VPS13C: variants seen among roughly 807,000 people sequenced by gnomAD.
VPS13C encodes intermembrane lipid transfer protein VPS13C.
Under a neutral mutation model 456.8 loss-of-function variants are expected in VPS13C, and 358 were observed. The ratio of observed to expected loss-of-function variants is 0.78; its 90% CI spans 0.72 to 0.86. The LOEUF is 0.86. Ranked by LOEUF, VPS13C falls within the 40% of genes least tolerant of loss-of-function variation. The pLI is 0.00. For missense variants in VPS13C, 4,818 were observed against 4,385.4 expected (o/e 1.10, Z -2.79); for synonymous variants, 1,578 against 1,486.7 (o/e 1.06, Z -1.41).
At chr15:62,056,309 A>G (rs1359932345) in intron 1 of VPS13C, among the ~76,000 whole-genome samples, 1 of 152,180 alleles carries the variant, frequency 6.6e-6, no homozygotes, top group African/African-American at 2.4e-5. Flanking sequence ...TTATCCCAAT[A>G]TTATAATAAT....
At chr15:61,919,881 T>G (rs1388388619) in intron 57 of VPS13C, among the ~76,000 whole-genome samples, 186 bp downstream of exon 57, 1 of 149,946 alleles carries the variant, frequency 6.7e-6, no homozygotes, top group Non-Finnish European at 1.5e-5. Context: ...TTTTGTAAAG[T>G]TTTCTTAAAT....
intron 67 of VPS13C, among the ~76,000 whole-genome samples, chr15:61,887,106 A>G (rs985101974): frequency 6.6e-6 from 1 of 151,986 alleles, no homozygotes; most frequent in African/African-American, 2.4e-5. Context: ...TAAAGTGTCA[A>G]TGTTCACATT....
chr15:61,949,723 A>T (rs2044723438), intron 41 of VPS13C, 118 bp from the exon 42 acceptor site: 6 of 958,566 alleles, frequency 6.3e-6, no homozygotes, highest in Non-Finnish European at 2.9e-6. Context: ...TAAAATTTTT[A>T]TTTTTTTAAG....
chr15:61,977,287 T>A (rs1047520658), intron 23 of VPS13C, 88 bp from the exon 24 acceptor site: 2 of 807,340 alleles, frequency 2.5e-6, no homozygotes, highest in Non-Finnish European at 3.7e-6. Flanking sequence ...AATATTATTT[T>A]AAATTGTCAG....
chr15:62,055,993 T>C (rs1236418543), intron 1 of VPS13C, among the ~76,000 whole-genome samples: 1 of 152,214 alleles, frequency 6.6e-6, no homozygotes, highest in Non-Finnish European at 1.5e-5. Flanking sequence ...TCCCTCAGTG[T>C]GGCAACCAAA....
At chr15:61,939,145 A>C (rs545574355) in intron 47 of VPS13C, among the ~76,000 whole-genome samples, 3 of 152,326 alleles carry the variant, frequency 2.0e-5, no homozygotes, top group Admixed American at 1.3e-4. Context: ...TTCAGGTTTT[A>C]CTTATGCTTT....
intron 77 of VPS13C, 94 bp from the exon 78 acceptor site, chr15:61,873,503 C>T (rs1388834681): frequency 2.5e-6 from 3 of 1,222,776 alleles, no homozygotes; most frequent in Non-Finnish European, 3.4e-6. Context: ...TTAAAATAGG[C>T]AAACGATCTG....
At position 61,874,102 on chromosome 15, in the gene VPS13C, C is replaced by G. The variant is rs530390588; in HGVS notation, c.10415-693G>C. On this transcript the variant is annotated intron_variant, in intron 77 of 84. Transcript: ENST00000644861. ...CACAGAAAAACAAATACTGCATGTT[C>G]TCATTCACATCTGACAGCTAAAGAA... Among the ~76,000 whole-genome samples the G allele has an allele frequency of 7.2e-5, 11 of 152,018 alleles. No individual in the cohort carries two copies. In the South Asian group the frequency reaches 2.1e-3, roughly 29 times the overall value.
In VPS13C at chr15:61,854,386, TA is replaced by T; in HGVS notation, c.*70del. ...GCTTGAAAAATTGTCTTTAGCAAGA[TA>T]AAGCAGAGTGACTTATAGACAAGAC... On this transcript the variant is annotated 3_prime_UTR_variant, in exon 85 of 85. Coordinates refer to ENST00000644861, the MANE Select transcript of VPS13C (RefSeq NM_020821.3). 7.3e-7 allele frequency: 1 copy of T among 1,372,760 alleles called. No homozygotes were observed. 85.0% of individuals were successfully genotyped at this position (1,372,760 alleles called of 1,614,324 possible).
chr15:61,955,116 G>A (rs1269010768), intron 37 of VPS13C, among the ~76,000 whole-genome samples: 1 of 152,058 alleles, frequency 6.6e-6, no homozygotes, highest in Non-Finnish European at 1.5e-5. Flanking sequence ...TCTGAAATTC[G>A]TACACCCTGA....
intron 15 of VPS13C, among the ~76,000 whole-genome samples, 158 bp downstream of exon 15, chr15:62,007,150 T>C (rs1286672844): frequency 6.6e-6 from 1 of 151,904 alleles, no homozygotes; most frequent in East Asian, 1.9e-4. Flanking sequence ...GAAGAAAAAC[T>C]GGAAAAAAAA....
chr15:61,949,652 T>C (rs907646531), intron 41 of VPS13C, 47 bp from the exon 42 acceptor site: 1 of 1,557,838 alleles, frequency 6.4e-7, no homozygotes, highest in African/African-American at 1.4e-5. Context: ...TGCAGTAAAA[T>C]CTTTACATCA....
chr15:61,968,601 T>C (rs898145403), intron 28 of VPS13C, among the ~76,000 whole-genome samples: 5 of 152,166 alleles, frequency 3.3e-5, no homozygotes, highest in African/African-American at 1.2e-4. Flanking sequence ...CTCAAATACC[T>C]GAGCAAACAA....
At chr15:61,995,354 TC>T (rs1282341370) in intron 16 of VPS13C, among the ~76,000 whole-genome samples, 1 of 152,204 alleles carries the variant, frequency 6.6e-6, no homozygotes, top group African/African-American at 2.4e-5. Context: ...CGTTTGTTTT[TC>T]TCACATGTTG....
rs1308768550 is a variant in VPS13C at position 61,854,371 on chromosome 15, T to C, written c.*86A>G. 1.6e-6 allele frequency: 2 copies of C among 1,238,948 alleles called. No homozygotes were observed. Among genetic ancestry groups the C allele is most frequent in the Non-Finnish European group, 2.4e-6 (2 of 840,778 alleles). 76.7% of individuals were successfully genotyped at this position (1,238,948 alleles called of 1,614,324 possible). Reference sequence around the variant, plus strand: ...TAAAACTAAAGGATTGCTTGAAAAATTGTCTTTAGCAAGATAAAGCAGAGT... The same window carrying C: ...TAAAACTAAAGGATTGCTTGAAAAACTGTCTTTAGCAAGATAAAGCAGAGT... On this transcript the variant is annotated 3_prime_UTR_variant, in exon 85 of 85. Transcript: ENST00000644861.
At chr15:61,876,505 G>A (rs1392708809) in intron 75 of VPS13C, among the ~76,000 whole-genome samples, 1 of 151,856 alleles carries the variant, frequency 6.6e-6, no homozygotes, top group Non-Finnish European at 1.5e-5. Flanking sequence ...GAATATTCCA[G>A]CAGTGGAAGG....
intron 1 of VPS13C, among the ~76,000 whole-genome samples, chr15:62,045,465 G>T (rs1341721641): frequency 1.3e-5 from 2 of 152,016 alleles, no homozygotes; most frequent in African/African-American, 2.4e-5. Flanking sequence ...AAGAAAAGAG[G>T]GCAAATAGAT....
intron 55 of VPS13C, 44 bp downstream of exon 55, chr15:61,921,903 T>G: frequency 6.4e-7 from 1 of 1,570,318 alleles, no homozygotes; most frequent in South Asian, 1.1e-5. Flanking sequence ...TGAATGAATA[T>G]GCATAGTATC....
rs756314239 is a variant in VPS13C at position 61,950,445 on chromosome 15, G to C, written c.4537-28C>G. The C allele has an allele frequency of 2.6e-6, 4 of 1,555,210 alleles. No individual in the cohort carries two copies. In the South Asian group the frequency reaches 4.5e-5, roughly 18 times the overall value. ...ACAAATAGTGGAGAATTACACCACTGAGTTTCAAACACTAAAAATTCATAC... is the reference window on the plus strand; with the variant it reads ...ACAAATAGTGGAGAATTACACCACTCAGTTTCAAACACTAAAAATTCATAC... On this transcript the variant is annotated intron_variant, in intron 40 of 84. Coordinates refer to ENST00000644861, the MANE Select transcript of VPS13C (RefSeq NM_020821.3).
Sources: gnomAD v4.1 joint callset for allele counts (sites outside exome capture counted in the v4.1 genomes callset) on GRCh38, gnomAD v4.1.1 for gene constraint, MANE v1.5 for transcripts, NCBI Gene and HGNC (gene_info 2026-07-23, HGNC 2026-07-21) for gene names.